Variants in RBFOX1 observed in about 807,000 individuals in gnomAD.
The protein encoded by RBFOX1 is RNA binding fox-1 homolog 1.
Under a neutral mutation model 57.7 loss-of-function variants are expected in RBFOX1, and 8 were observed. The ratio of observed to expected loss-of-function variants is 0.14; its 90% confidence interval spans 0.08 to 0.25. The LOEUF (loss-of-function observed/expected upper bound fraction) is 0.25, where lower values mean the gene tolerates loss of function less well. Ranked by LOEUF, RBFOX1 falls within the 10% of genes least tolerant of loss-of-function variation. RBFOX1 has a pLI of 1.00. For synonymous variants in RBFOX1, 326 were observed against 222.4 expected, an observed-to-expected ratio of 1.47 and a Z score of -4.15; for missense variants, 611 against 548.5, an observed-to-expected ratio of 1.11 and a Z score of -1.14.
rs1555600461 is a variant in RBFOX1, at chr16:7,225,905, A to AATAT, written c.27+173819_27+173822dup. On this transcript the variant is annotated intron_variant, in intron 4 of 15. Transcript: ENST00000550418. ...GTACCCTAGAACTTAAAGTATAATAAATATATATATATATAAATGTGAATG... is the reference window on the plus strand; with the variant it reads ...GTACCCTAGAACTTAAAGTATAATAAATATATATATATATATATAAATGTGAATG... Among the ~76,000 whole-genome samples, 89 of 93,750 alleles carry AATAT rather than the reference A, an allele frequency of 9.5e-4. 4 individuals are homozygous for AATAT. Among genetic ancestry groups the AATAT allele is most frequent in the Admixed American group, 2.9e-4 (3 of 10,246 alleles). The allele number at this position is 93,750 out of a possible 152,430, so 61.5% of individuals were successfully genotyped here.
At chr16:7,605,616 GT>G (rs1248769321) in intron 9 of RBFOX1, among the ~76,000 whole-genome samples, 1 of 152,174 alleles carries the variant, frequency 6.6e-6, no homozygotes, top group East Asian at 1.9e-4. Flanking sequence ...CTTAGTGGAT[GT>G]TAAGAACACC....
chr16:6,070,085 T>C (rs867951406), intron 1 of RBFOX1, among the ~76,000 whole-genome samples: 2 of 152,246 alleles, frequency 1.3e-5, no homozygotes, highest in Admixed American at 1.3e-4. Context: ...TTGTTTTTCT[T>C]TAAATTCTAT....
chr16:7,525,898 G>A (rs1247314259), intron 5 of RBFOX1, among the ~76,000 whole-genome samples: 1 of 152,180 alleles, frequency 6.6e-6, no homozygotes, highest in African/African-American at 2.4e-5. Flanking sequence ...TCTGCCTGAT[G>A]TTAAAGTCCA....
At chr16:6,190,487 T>C (rs1247244796) in intron 1 of RBFOX1, among the ~76,000 whole-genome samples, 1 of 152,214 alleles carries the variant, frequency 6.6e-6, no homozygotes, top group African/African-American at 2.4e-5. Flanking sequence ...CCTGTGTTGA[T>C]TATTTCAGAA....
chr16:5,376,445 G>T (rs1180538761), intron 1 of RBFOX1, among the ~76,000 whole-genome samples: 1 of 152,140 alleles, frequency 6.6e-6, no homozygotes, highest in Non-Finnish European at 1.5e-5. Flanking sequence ...GGAGCGGTGG[G>T]TGGGGACCCT....
intron 3 of RBFOX1, among the ~76,000 whole-genome samples, chr16:5,718,312 T>G (rs189912784): frequency 6.6e-6 from 1 of 152,226 alleles, no homozygotes; most frequent in African/African-American, 2.4e-5. Flanking sequence ...AGACCTGAGG[T>G]TTGAAGCAGA....
At chr16:5,511,116 G>T (rs1386697012) in intron 2 of RBFOX1, among the ~76,000 whole-genome samples, 2 of 152,194 alleles carry the variant, frequency 1.3e-5, no homozygotes, top group African/African-American at 4.8e-5. Context: ...TGTCTTCAAA[G>T]GAATTAGAAA....
At chr16:6,770,346 G>T (rs1202894353) in intron 3 of RBFOX1, among the ~76,000 whole-genome samples, 1 of 152,134 alleles carries the variant, frequency 6.6e-6, no homozygotes, top group African/African-American at 2.4e-5. Context: ...CAACAGGGCA[G>T]GGGTTGGAAA....
chr16:6,020,850 G>T (rs2095059752), intron 1 of RBFOX1, among the ~76,000 whole-genome samples: 1 of 152,214 alleles, frequency 6.6e-6, no homozygotes, highest in Non-Finnish European at 1.5e-5. Flanking sequence ...CGGGGACCAG[G>T]TGTCACGCGG....
intron 4 of RBFOX1, among the ~76,000 whole-genome samples, chr16:7,406,176 T>C (rs2148944943): frequency 6.6e-6 from 1 of 152,218 alleles, no homozygotes; most frequent in South Asian, 2.1e-4. Flanking sequence ...CCAGAAAACC[T>C]CATCTAGATC....
At chr16:6,973,268 T>G (rs951686728) in intron 3 of RBFOX1, among the ~76,000 whole-genome samples, 4 of 152,178 alleles carry the variant, frequency 2.6e-5, no homozygotes, top group African/African-American at 9.7e-5. Context: ...AGTAAGTACT[T>G]GGAATCAAGT....
At chr16:7,670,404 C>A (rs935051633) in intron 13 of RBFOX1, among the ~76,000 whole-genome samples, 15 of 152,052 alleles carry the variant, frequency 9.9e-5, no homozygotes, top group African/African-American at 3.1e-4. Flanking sequence ...GGCCTTGAGC[C>A]CACATGATTT....
chr16:6,305,784 C>T (rs2079438263), intron 1 of RBFOX1, among the ~76,000 whole-genome samples: 1 of 151,946 alleles, frequency 6.6e-6, no homozygotes, highest in Non-Finnish European at 1.5e-5. Flanking sequence ...AAGCAACTAG[C>T]AAATGCTGGA....
intron 1 of RBFOX1, among the ~76,000 whole-genome samples, chr16:5,285,309 T>G (rs1468292796): frequency 6.6e-6 from 1 of 152,224 alleles, no homozygotes; most frequent in Non-Finnish European, 1.5e-5. Flanking sequence ...TTTGGTTCTT[T>G]GTTATGCTGT....
At chr16:7,308,498 G>C (rs1396435762) in intron 4 of RBFOX1, among the ~76,000 whole-genome samples, 2 of 152,040 alleles carry the variant, frequency 1.3e-5, no homozygotes, top group Non-Finnish European at 2.9e-5. Context: ...ACATTAGAGG[G>C]GGCAGAAAAG....
intron 2 of RBFOX1, among the ~76,000 whole-genome samples, chr16:5,564,246 G>T (rs1257450771): frequency 6.6e-6 from 1 of 151,922 alleles, no homozygotes; most frequent in Non-Finnish European, 1.5e-5. Context: ...TTGAACTCCT[G>T]ACCTCAGGTA....
intron 1 of RBFOX1, among the ~76,000 whole-genome samples, chr16:5,284,727 C>G (rs1421119114): frequency 8.6e-6 from 1 of 116,868 alleles, no homozygotes; most frequent in Non-Finnish European, 1.8e-5. Context: ...TGAAGGACAG[C>G]TTTGCTGGGT....
Position 5,874,358 on chromosome 16 carries a change from A to G in RBFOX1, c.351+7023A>G, listed in dbSNP as rs536761517. 5.9e-5 allele frequency among the ~76,000 whole-genome samples: 9 copies of G among 152,296 alleles called. No homozygotes were observed. The South Asian group carries it at 1.9e-3, about 32-fold the overall frequency. ...CTTGGGTATATTGTAGTCTTGGAGAACAGGCCTCAGAGGATACGATGGTGG... is the reference window on the plus strand; with the variant it reads ...CTTGGGTATATTGTAGTCTTGGAGAGCAGGCCTCAGAGGATACGATGGTGG... On this transcript the variant is annotated intron_variant, in intron 4 of 19. Coordinates refer to the RBFOX1 transcript ENST00000641259.
intron 4 of RBFOX1, among the ~76,000 whole-genome samples, chr16:7,171,727 C>A (rs1372009557): frequency 6.6e-6 from 1 of 152,190 alleles, no homozygotes; most frequent in Non-Finnish European, 1.5e-5. Flanking sequence ...AACAGCTAAG[C>A]CTCAGAACTG....
Sources: gnomAD v4.1 joint callset for allele counts (sites outside exome capture counted in the v4.1 genomes callset) on GRCh38, gnomAD v4.1.1 for gene constraint, MANE v1.5 for transcripts, NCBI Gene and HGNC (gene_info 2026-07-23, HGNC 2026-07-21) for gene names.